CEP152: variants seen among roughly 807,000 people sequenced by gnomAD.
CEP152 encodes the protein centrosomal protein 152.
A neutral mutation model predicts 188.9 loss-of-function variants in CEP152; 132 were observed. The observed-to-expected ratio is 0.70, with a 90% CI of 0.61 to 0.81. The LOEUF is 0.81. Ranked by LOEUF, CEP152 falls within the 30% of genes least tolerant of loss-of-function variation. CEP152 has a pLI of 0.00. For synonymous variants in CEP152, 649 were observed against 666.6 expected (o/e 0.97, Z 0.41); for missense variants, 1,914 against 1,969.8 (o/e 0.97, Z 0.54).
intron 19 of CEP152, among the ~76,000 whole-genome samples, chr15:48,758,569 AT>A (rs1894440631): frequency 6.6e-6 from 1 of 151,996 alleles, no homozygotes; most frequent in African/African-American, 2.4e-5. Flanking sequence ...AAATACAAAA[AT>A]TAGCCAGGCG....
At chr15:48,780,675 T>C (rs1896185740) in intron 12 of CEP152, among the ~76,000 whole-genome samples, 1 of 152,248 alleles carries the variant, frequency 6.6e-6, no homozygotes, top group African/African-American at 2.4e-5. Flanking sequence ...ATCCCACCTC[T>C]ATACATCAAA....
chr15:48,786,957 A>G (rs1567018340), intron 9 of CEP152, among the ~76,000 whole-genome samples: 1 of 152,028 alleles, frequency 6.6e-6, no homozygotes, highest in Non-Finnish European at 1.5e-5. Context: ...GAGACCCCCA[A>G]CCCAATAAGG....
chr15:48,785,812 A>G (rs1275042188), intron 9 of CEP152, among the ~76,000 whole-genome samples: 1 of 151,844 alleles, frequency 6.6e-6, no homozygotes, highest in Non-Finnish European at 1.5e-5. Flanking sequence ...TTCAAGTCTG[A>G]TATGGGCAGA....
intron 12 of CEP152, among the ~76,000 whole-genome samples, chr15:48,773,868 A>C (rs948439228): frequency 6.6e-6 from 1 of 152,194 alleles, no homozygotes; most frequent in Admixed American, 6.5e-5. Flanking sequence ...AACAAAATTC[A>C]AAATGTCTAG....
At chr15:48,732,033 A>G (rs1490049743) in intron 2 of CEP152, among the ~76,000 whole-genome samples, 2 of 152,208 alleles carry the variant, frequency 1.3e-5, no homozygotes, top group African/African-American at 4.8e-5. Flanking sequence ...TCAGGAAACA[A>G]TAGTTGCTGG....
chr15:48,765,707 G>T (rs1434559486), intron 17 of CEP152: 1 of 359,516 alleles, frequency 2.8e-6, no homozygotes, highest in Admixed American at 4.2e-5. Context: ...AGGCTGGAGT[G>T]CAGTGGCGCA....
intron 5 of CEP152, 132 bp from the exon 6 acceptor site, chr15:48,796,292 AC>A: frequency 1.1e-5 from 1 of 91,624 alleles, no homozygotes; most frequent in Non-Finnish European, 1.9e-5. Flanking sequence ...ATATATATAC[AC>A]ACACACACAC....
chr15:48,749,218 G>A (rs1371463224), intron 21 of CEP152, among the ~76,000 whole-genome samples: 1 of 152,024 alleles, frequency 6.6e-6, no homozygotes, highest in African/African-American at 2.4e-5. Flanking sequence ...TAGATGGATC[G>A]ATGGACAGAG....
At position 48,746,502 on chromosome 15, in the gene CEP152, A is replaced by G. The variant is rs138485003; in HGVS notation, c.3635-1510T>C. On this transcript the variant is annotated intron_variant, in intron 22 of 26. Coordinates refer to ENST00000380950, the MANE Select transcript of CEP152 (RefSeq NM_001194998.2). Reference sequence around the variant, plus strand: ...GCCTCTACTAAAGAGCTAAGTAATCACAAAATGAATTGCAGTTGTTAAATT... The same window carrying G: ...GCCTCTACTAAAGAGCTAAGTAATCGCAAAATGAATTGCAGTTGTTAAATT... Among the ~76,000 whole-genome samples the G allele has an allele frequency of 6.1e-3, 928 of 152,324 alleles. 8 individuals are homozygous for G. The highest frequency in any genetic ancestry group is 0.021 in the African/African-American group (891 of 41,574).
At position 48,772,678 on chromosome 15, in the gene CEP152, C is replaced by T. The variant is rs1189672382; in HGVS notation, c.1591G>A (p.Glu531Lys). The T allele has an allele frequency of 6.2e-7, 1 of 1,613,728 alleles. No individual in the cohort carries two copies. Among genetic ancestry groups the T allele is most frequent in the African/African-American group, 1.3e-5 (1 of 74,916 alleles). Residue 531 changes from glutamate (E) to lysine (K), a missense_variant, in exon 13 of 27, where the codon GAA becomes AAA. Physicochemically the swap from Glu to Lys is moderately conservative, Grantham distance 56 (BLOSUM62 1). Coordinates refer to ENST00000380950, the MANE Select transcript of CEP152 (RefSeq NM_001194998.2). ...TTTGAAAGCTCTTCATTTGGGTCTTCTTCTTGTACAATGCTAATGGAGAAA... is the reference window on the plus strand; with the variant it reads ...TTTGAAAGCTCTTCATTTGGGTCTTTTTCTTGTACAATGCTAATGGAGAAA... Reference protein sequence around the residue: ...KSKVTSIVQEEDPNEELSKDE... With the variant: ...KSKVTSIVQEKDPNEELSKDE...
rs1444089737 is a variant in CEP152, at chr15:48,789,005, G to C, written c.973-4C>G. Reference sequence around the variant, plus strand: ...TTGTTCTGGACTTCTTGATCATCTAGTAAATACACACAGGATATCCATGTT... The same window carrying C: ...TTGTTCTGGACTTCTTGATCATCTACTAAATACACACAGGATATCCATGTT... On this transcript the variant is annotated splice_region_variant and splice_polypyrimidine_tract_variant and intron_variant, in intron 8 of 26. Coordinates refer to ENST00000380950, the MANE Select transcript of CEP152 (RefSeq NM_001194998.2). 1 of 1,612,476 alleles carries C rather than the reference G, an allele frequency of 6.2e-7. No individual in the cohort carries two copies. The highest frequency in any genetic ancestry group is 1.3e-5 in the African/African-American group (1 of 74,966).
intron 12 of CEP152, among the ~76,000 whole-genome samples, chr15:48,780,341 C>T (rs1896166205): frequency 6.6e-6 from 1 of 152,128 alleles, no homozygotes; most frequent in Non-Finnish European, 1.5e-5. Context: ...CTTTATATTT[C>T]TACTTACTGA....
Position 48,796,238 on chromosome 15 carries a change from T to C in CEP152, c.541-78A>G, listed in dbSNP as rs1897282518. On this transcript the variant is annotated intron_variant, in intron 5 of 26. Coordinates refer to ENST00000380950, the MANE Select transcript of CEP152 (RefSeq NM_001194998.2). The stretch of plus-strand genomic sequence containing the variant: ...TATCTGAATTAGACACCTAAATTAA[T>C]GTTACGTTACAGAACTTACTTTTGG... 2.6e-6 allele frequency: 4 copies of C among 1,534,394 alleles called. No individual in the cohort carries two copies. In the Admixed American group the frequency reaches 5.0e-5, roughly 19 times the overall value.
Position 48,796,152 on chromosome 15 carries a change from A to T in CEP152, c.549T>A (p.Ser183Arg). 6.2e-7 allele frequency: 1 copy of T among 1,613,742 alleles called. No homozygotes were observed. The highest frequency in any genetic ancestry group is 8.5e-7 in the Non-Finnish European group (1 of 1,179,748). The change falls in exon 6 of 27, where the codon AGT becomes AGA. Residue 183 changes from serine (S) to arginine (R), a missense_variant. By Grantham distance (110) the Ser-to-Arg change is moderately radical. Transcript: ENST00000380950. ...TATTATACGGTTCCAAACCTTGACA[A>T]CTGGGACCCTGTGATAACAAATGAA... Reference protein sequence around the residue: ...DPQWNHFQGPSCQGLEPYNKV... With the variant: ...DPQWNHFQGPRCQGLEPYNKV...
intron 12 of CEP152, among the ~76,000 whole-genome samples, chr15:48,780,620 G>A (rs529987866): frequency 1.3e-5 from 2 of 152,214 alleles, no homozygotes; most frequent in South Asian, 2.1e-4. Context: ...TCCAAACACC[G>A]TATCTCTCTC....
Position 48,768,901 on chromosome 15 carries a change from G to A in CEP152, c.1908+55C>T, listed in dbSNP as rs1895319778. On this transcript the variant is annotated intron_variant, in intron 14 of 26. Coordinates refer to ENST00000380950, the MANE Select transcript of CEP152 (RefSeq NM_001194998.2). ...TTGCAAAAACTCTATTATATCCTTT[G>A]TATTTAATGAGGAAATAAAAATTCT... The A allele has an allele frequency of 2.3e-6, 3 of 1,287,970 alleles. No individual in the cohort carries two copies. The Admixed American group carries it at 6.3e-5, about 27-fold the overall frequency. The allele number at this position is 1,287,970 out of a possible 1,614,324, so 79.8% of individuals were successfully genotyped here. A position where few individuals can be genotyped will look rare whatever the true frequency, so the allele number is the denominator to read the frequency against.
Position 48,756,014 on chromosome 15 carries a change from A to G in CEP152, c.3234T>C (p.Ser1078=), listed in dbSNP as rs772335724. The G allele has an allele frequency of 2.2e-5, 35 of 1,614,004 alleles. No homozygotes were observed. The Middle Eastern group carries it at 6.6e-4, about 30-fold the overall frequency. The change falls in exon 20 of 27, where the codon TCT becomes TCC. Residue 1078 remains serine, a synonymous_variant. Transcript: ENST00000380950. ...KQLLEIMSTC[S]SKWMSVQYFE... ...AATATTGCACAGACATCCATTTTGA[A>G]GAACAAGTCGACATGATTTCCAAAA...
At chr15:48,797,169 G>C (rs960738239) in intron 5 of CEP152, 132 bp downstream of exon 5, 1 of 958,026 alleles carries the variant, frequency 1.0e-6, no homozygotes. Context: ...ACCTGAATAA[G>C]TGCCCTCTCA....
intron 8 of CEP152, among the ~76,000 whole-genome samples, chr15:48,789,794 A>G (rs2140879592): frequency 1.3e-5 from 2 of 152,328 alleles, no homozygotes; most frequent in South Asian, 4.1e-4. Flanking sequence ...TAGCAAGAAA[A>G]TGGATTCTCC....
Sources: gnomAD v4.1 joint callset for allele counts (sites outside exome capture counted in the v4.1 genomes callset) on GRCh38, gnomAD v4.1.1 for gene constraint, MANE v1.5 for transcripts, NCBI Gene and HGNC (gene_info 2026-07-23, HGNC 2026-07-21) for gene names.